The following ADARB2 variants were observed in gnomAD, a reference collection of about 807,000 sequenced individuals.
The protein encoded by ADARB2 is adenosine deaminase RNA specific B2 (inactive).
ADARB2 carries 25 observed loss-of-function variants against 62.2 expected under a neutral mutation model. That is an observed-to-expected ratio of 0.40 (90% CI 0.29 to 0.56). ADARB2 has a LOEUF of 0.56. ADARB2 is among the 20% of genes least tolerant of loss of function. The pLI, the probability that ADARB2 is intolerant of heterozygous loss-of-function variation, is 0.43. For synonymous variants in ADARB2, 572 were observed against 500.8 expected, an observed-to-expected ratio of 1.14 and a Z score of -1.90; for missense variants, 1,071 against 1,077.4, an observed-to-expected ratio of 0.99 and a Z score of 0.08.
intron 4 of ADARB2, among the ~76,000 whole-genome samples, chr10:1,248,131 G>A (rs1831003734): frequency 6.6e-6 from 1 of 152,222 alleles, no homozygotes; most frequent in East Asian, 1.9e-4. Context: ...AAGACGCCAG[G>A]CGAGGGGAGG....
At chr10:1,218,710 C>T (rs1051047045) in intron 6 of ADARB2, among the ~76,000 whole-genome samples, 3 of 152,118 alleles carry the variant, frequency 2.0e-5, no homozygotes, top group Non-Finnish European at 4.4e-5. Context: ...GTGCTGTCCT[C>T]GTGGCAGTGA....
chr10:1,224,146 G>C (rs897901697), intron 6 of ADARB2, among the ~76,000 whole-genome samples: 3 of 152,158 alleles, frequency 2.0e-5, no homozygotes, highest in African/African-American at 7.2e-5. Flanking sequence ...TCCTTGTTTA[G>C]TCTTGGGAGG....
intron 1 of ADARB2, among the ~76,000 whole-genome samples, chr10:1,735,439 C>A (rs1835288928): frequency 6.6e-6 from 1 of 152,096 alleles, no homozygotes; most frequent in Non-Finnish European, 1.5e-5. Flanking sequence ...TGCATTATTG[C>A]GAACTATTAC....
rs114255863 is a variant in ADARB2 at position 1,369,256 on chromosome 10, C to T, written c.188-5339G>A. ...AACCTAGAGATAAAACATCAGGAGA[C>T]CAGGAAAACACCTGCCTCTAAGTAG... is the stretch of plus-strand genomic sequence containing the variant. On this transcript the variant is annotated intron_variant, in intron 2 of 9. Coordinates refer to ENST00000381312, the MANE Select transcript of ADARB2 (RefSeq NM_018702.4). Among the ~76,000 whole-genome samples the T allele has an allele frequency of 4.0e-3, 604 of 152,244 alleles. 4 individuals carry two copies. Among genetic ancestry groups the T allele is most frequent in the African/African-American group, 0.014 (566 of 41,532 alleles).
chr10:1,412,930 C>CAA (rs1832771421), intron 1 of ADARB2, among the ~76,000 whole-genome samples: 1 of 152,240 alleles, frequency 6.6e-6, no homozygotes, highest in African/African-American at 2.4e-5. Context: ...GTTCATTTCC[C>CAA]TGCTGGTCCC....
At chr10:1,562,941 G>A (rs1046385849) in intron 1 of ADARB2, among the ~76,000 whole-genome samples, 2 of 152,230 alleles carry the variant, frequency 1.3e-5, no homozygotes, top group African/African-American at 4.8e-5. Flanking sequence ...TTCAACAAAT[G>A]TTTCCTTAAT....
At chr10:1,619,296 A>AG (rs1215669190) in intron 1 of ADARB2, among the ~76,000 whole-genome samples, 5 of 139,922 alleles carry the variant, frequency 3.6e-5, no homozygotes, top group African/African-American at 1.3e-4. Context: ...AAGTAAAAAA[A>AG]AAAAAAAAAA....
rs996161843 is a variant in ADARB2 at position 1,403,081 on chromosome 10, G to C, written c.101-23921C>G. On this transcript the variant is annotated intron_variant, in intron 1 of 9. Coordinates refer to ENST00000381312, the MANE Select transcript of ADARB2 (RefSeq NM_018702.4). ...GCTGGGTCCTGCAGGCACCGTGTGC[G>C]GCTCTCGTGGAAGCAGCCGGAGGTG... is the stretch of plus-strand genomic sequence containing the variant. Among the ~76,000 whole-genome samples, 7 of 152,194 alleles carry C rather than the reference G, an allele frequency of 4.6e-5. No individual in the cohort carries two copies. In the East Asian group the frequency reaches 1.4e-3, roughly 29 times the overall value.
chr10:1,488,914 T>C (rs1168570744), intron 1 of ADARB2, among the ~76,000 whole-genome samples: 2 of 152,276 alleles, frequency 1.3e-5, no homozygotes, highest in East Asian at 3.9e-4. Flanking sequence ...CATTCCGATC[T>C]GATCAGGGAG....
intron 1 of ADARB2, among the ~76,000 whole-genome samples, chr10:1,688,679 A>C (rs1313181976): frequency 2.0e-5 from 3 of 152,098 alleles, no homozygotes; most frequent in Admixed American, 2.0e-4. Flanking sequence ...TAAAAAGATA[A>C]CTGAGGGTGA....
intron 1 of ADARB2, among the ~76,000 whole-genome samples, chr10:1,461,846 G>C (rs998377109): frequency 1.3e-5 from 2 of 151,898 alleles, no homozygotes; most frequent in African/African-American, 4.8e-5. Flanking sequence ...CTAAAAATAT[G>C]AAAAAATTAG....
At chr10:1,461,077 G>A (rs577059208) in intron 1 of ADARB2, among the ~76,000 whole-genome samples, 1 of 152,330 alleles carries the variant, frequency 6.6e-6, no homozygotes, top group East Asian at 1.9e-4. Context: ...GATGAGAAAA[G>A]TAGTCAACGC....
At chr10:1,222,790 C>A in intron 6 of ADARB2, among the ~76,000 whole-genome samples, 1 of 149,394 alleles carries the variant, frequency 6.7e-6, no homozygotes, top group African/African-American at 2.6e-5. Context: ...TGTTTTGGTA[C>A]CAGTACCATG....
At chr10:1,558,440 TC>T (rs146200090) in intron 1 of ADARB2, among the ~76,000 whole-genome samples, 1,139 of 100,580 alleles carry the variant, frequency 0.011, 5 homozygotes, top group African/African-American at 0.028. Flanking sequence ...CCATGCCCCA[TC>T]TAAATCCACA....
intron 5 of ADARB2, 93 bp downstream of exon 5, chr10:1,242,038 C>G (rs529423431): frequency 7.5e-7 from 1 of 1,331,322 alleles, no homozygotes; most frequent in Non-Finnish European, 1.0e-6. Context: ...TAGAGGGAAG[C>G]GTGTTCTGAG....
At chr10:1,206,562 T>G (rs968366205) in intron 7 of ADARB2, among the ~76,000 whole-genome samples, 3 of 152,188 alleles carry the variant, frequency 2.0e-5, no homozygotes, top group East Asian at 3.8e-4. Flanking sequence ...CTGAGAGAAC[T>G]GCGGTGGCCC....
chr10:1,633,554 A>ATCTG (rs1564353001), intron 1 of ADARB2, among the ~76,000 whole-genome samples: 3 of 71,030 alleles, frequency 4.2e-5, no homozygotes, highest in African/African-American at 2.1e-4. Context: ...TCTATCATCT[A>ATCTG]TCTATCTATC....
chr10:1,612,299 G>T (rs1159988815), intron 1 of ADARB2, among the ~76,000 whole-genome samples: 2 of 152,236 alleles, frequency 1.3e-5, no homozygotes, highest in Non-Finnish European at 2.9e-5. Flanking sequence ...AATAGAACAC[G>T]GGAAGCCAGG....
chr10:1,278,684 C>T (rs567711549), intron 3 of ADARB2, among the ~76,000 whole-genome samples: 6 of 151,964 alleles, frequency 3.9e-5, no homozygotes, highest in Admixed American at 6.6e-5. Flanking sequence ...TTCCTAGGCC[C>T]GAAAGGTTTC....
Sources: allele counts gnomAD v4.1 joint callset (sites outside exome capture counted in the v4.1 genomes callset), GRCh38; gene constraint gnomAD v4.1.1; transcripts MANE v1.5; gene names NCBI Gene and HGNC (gene_info 2026-07-23, HGNC 2026-07-21).